The following XIRP2 variants were observed in gnomAD, a reference collection of about 807,000 sequenced individuals.
XIRP2 encodes xin actin-binding repeat-containing protein 2.
A neutral mutation model predicts 277.0 loss-of-function variants in XIRP2; 236 were observed. That is an observed-to-expected ratio of 0.85 (90% CI 0.77 to 0.95). The LOEUF is 0.95. Ranked by LOEUF, XIRP2 falls within the 40% of genes least tolerant of loss-of-function variation. XIRP2 has a pLI of 0.00. For missense variants in XIRP2, 4,640 were observed against 4,157.5 expected, an observed-to-expected ratio of 1.12 and a Z score of -3.19; for synonymous variants, 1,490 against 1,416.5, an observed-to-expected ratio of 1.05 and a Z score of -1.17.
intron 2 of XIRP2, among the ~76,000 whole-genome samples, chr2:166,940,000 C>A (rs1244660438): frequency 6.6e-6 from 1 of 152,144 alleles, no homozygotes; most frequent in Non-Finnish European, 1.5e-5. Flanking sequence ...GTCTGCCTTT[C>A]TAGATTGGGG....
At chr2:166,909,990 G>A (rs2105344488) in intron 2 of XIRP2, among the ~76,000 whole-genome samples, 1 of 152,294 alleles carries the variant, frequency 6.6e-6, no homozygotes, top group East Asian at 1.9e-4. Flanking sequence ...TAAGCTTTTT[G>A]ATGTGCTGCT....
chr2:166,941,146 G>A (rs1440791013), intron 2 of XIRP2, among the ~76,000 whole-genome samples: 14 of 152,230 alleles, frequency 9.2e-5, no homozygotes, highest in South Asian at 8.3e-4. Flanking sequence ...CATCAATGGC[G>A]GGCACCCCTC....
intron 2 of XIRP2, among the ~76,000 whole-genome samples, chr2:167,014,561 A>C (rs1687770304): frequency 6.6e-6 from 1 of 151,724 alleles, no homozygotes; most frequent in Non-Finnish European, 1.5e-5. Context: ...AAATACAAAG[A>C]AGTGGAGAAT....
Position 167,250,472 on chromosome 2 carries a change from A to G in XIRP2, c.9080A>G (p.Glu3027Gly), listed in dbSNP as rs1225344270. Residue 3027 changes from glutamate to glycine, a missense_variant, in exon 9 of 11, where the codon GAA becomes GGA. Transcript: ENST00000409195. ...TQAEDMLVSYENIIQTAMMSS... is the reference protein window; with the variant it reads ...TQAEDMLVSYGNIIQTAMMSS... ...GCGGAAGATATGCTTGTGTCCTATG[A>G]AAATATAATTCAGACAGCCATGATG... The G allele has an allele frequency of 1.2e-6, 2 of 1,613,438 alleles. No homozygotes were observed. Among genetic ancestry groups the G allele is most frequent in the Non-Finnish European group, 8.5e-7 (1 of 1,179,688 alleles).
intron 1 of XIRP2, among the ~76,000 whole-genome samples, chr2:166,892,826 T>A (rs973837882): frequency 3.4e-5 from 5 of 148,654 alleles, no homozygotes; most frequent in Admixed American, 6.8e-5. Context: ...TATATATATA[T>A]AACTTCTATG....
intron 2 of XIRP2, among the ~76,000 whole-genome samples, chr2:167,108,668 T>G (rs1409309076): frequency 6.6e-6 from 1 of 152,092 alleles, no homozygotes; most frequent in Non-Finnish European, 1.5e-5. Context: ...AATATAAAAC[T>G]TAAGAATAGA....
At chr2:166,978,091 A>G (rs189811414) in intron 2 of XIRP2, among the ~76,000 whole-genome samples, 1 of 152,292 alleles carries the variant, frequency 6.6e-6, no homozygotes, top group East Asian at 1.9e-4. Context: ...ATTTCTTTCT[A>G]TACAGATTTT....
rs562298881 is a variant in XIRP2 at position 167,062,665 on chromosome 2, T to C, written c.409-73244T>C. 2.0e-5 allele frequency among the ~76,000 whole-genome samples: 3 copies of C among 152,240 alleles called. No homozygotes were observed. The East Asian group carries it at 5.8e-4, about 29-fold the overall frequency. The stretch of plus-strand genomic sequence containing the variant: ...GCCTTGAGTCTTCTTTGTGGAAAAG[T>C]TTTTACTACGATGTCTATACCTTTA... On this transcript the variant is annotated intron_variant, in intron 2 of 10. Transcript: ENST00000409195.
chr2:167,130,852 T>G (rs1246480489), intron 2 of XIRP2, among the ~76,000 whole-genome samples: 2 of 152,088 alleles, frequency 1.3e-5, no homozygotes, highest in Admixed American at 1.3e-4. Flanking sequence ...TACTTTCTCA[T>G]TGCCCAAACT....
intron 2 of XIRP2, among the ~76,000 whole-genome samples, chr2:167,034,332 C>T (rs113196128): frequency 0.017 from 2,618 of 151,764 alleles, 26 homozygotes; most frequent in Non-Finnish European, 0.025. Context: ...TTAAAACATA[C>T]CACCAGAAAA....
At chr2:167,177,881 C>T (rs963489571) in intron 3 of XIRP2, among the ~76,000 whole-genome samples, 2 of 151,970 alleles carry the variant, frequency 1.3e-5, no homozygotes, top group South Asian at 2.1e-4. Flanking sequence ...TTGATTGCAT[C>T]GTTTTTTCTA....
intron 3 of XIRP2, among the ~76,000 whole-genome samples, chr2:167,201,260 A>G (rs538125232): frequency 3.2e-4 from 26 of 81,922 alleles, no homozygotes; most frequent in African/African-American, 1.9e-3. Flanking sequence ...GAAAGAAAGA[A>G]AGAGAGAGGG....
chr2:167,179,323 G>GT (rs374760800), intron 3 of XIRP2, among the ~76,000 whole-genome samples: 8,835 of 120,382 alleles, frequency 0.073, 305 homozygotes, highest in Non-Finnish European at 0.097. Context: ...TTTTTTTCTT[G>GT]TTTTTTTTTT....
At chr2:166,972,338 A>G (rs1415637738) in intron 2 of XIRP2, among the ~76,000 whole-genome samples, 3 of 152,194 alleles carry the variant, frequency 2.0e-5, no homozygotes, top group Non-Finnish European at 4.4e-5. Flanking sequence ...TTACTTTGGT[A>G]TGTAATGGCA....
chr2:167,231,716 T>C (rs928142813), intron 5 of XIRP2, among the ~76,000 whole-genome samples: 7 of 152,010 alleles, frequency 4.6e-5, no homozygotes, highest in African/African-American at 1.7e-4. Context: ...AAGACTATAC[T>C]GATCATCTCC....
rs1004286000 is a variant in XIRP2, at chr2:167,138,289, A to T, written c.562+2227A>T. Reference sequence around the variant, plus strand: ...CAGCTACCTAATATCCTGCATATTTAAAATTTAGTAAACAGTGTGAATTGA... The same window carrying T: ...CAGCTACCTAATATCCTGCATATTTTAAATTTAGTAAACAGTGTGAATTGA... On this transcript the variant is annotated intron_variant, in intron 3 of 10. Transcript: ENST00000409195. Among the ~76,000 whole-genome samples, 5 of 152,334 alleles carry T rather than the reference A, an allele frequency of 3.3e-5. No homozygotes were observed. The East Asian group carries it at 9.6e-4, about 29-fold the overall frequency.
At chr2:167,046,553 A>G (rs1688791546) in intron 2 of XIRP2, among the ~76,000 whole-genome samples, 1 of 152,068 alleles carries the variant, frequency 6.6e-6, no homozygotes, top group Non-Finnish European at 1.5e-5. Flanking sequence ...CTGCATAAAG[A>G]AAATGTAGTA....
intron 3 of XIRP2, among the ~76,000 whole-genome samples, chr2:167,193,033 A>T (rs1050073414): frequency 5.3e-5 from 8 of 152,214 alleles, no homozygotes; most frequent in Admixed American, 2.0e-4. Context: ...GAATGGAAAT[A>T]ATTCCAAGAT....
At chr2:167,239,158 TG>T (rs1355358846) in intron 5 of XIRP2, among the ~76,000 whole-genome samples, 1 of 152,220 alleles carries the variant, frequency 6.6e-6, no homozygotes, top group Non-Finnish European at 1.5e-5. Flanking sequence ...TATGTCTTTT[TG>T]TAACATAAAA....
Sources: allele counts gnomAD v4.1 joint callset (sites outside exome capture counted in the v4.1 genomes callset), GRCh38; gene constraint gnomAD v4.1.1; transcripts MANE v1.5; gene names NCBI Gene and HGNC (gene_info 2026-07-23, HGNC 2026-07-21).